GLYATL2: variants seen among roughly 807,000 people sequenced by gnomAD.
GLYATL2 encodes the protein glycine N-acyltransferase-like protein 2.
GLYATL2 carries 25 observed loss-of-function variants against 21.4 expected under a neutral mutation model. That is an observed-to-expected ratio of 1.17 (90% CI 0.85 to 1.63). The LOEUF (loss-of-function observed/expected upper bound fraction) is 1.63. Ranked by LOEUF, GLYATL2 falls within the 40% of genes most tolerant of loss-of-function variation. The probability of loss-of-function intolerance (pLI) is 0.00; values close to 1 mark genes in which losing one functional copy is unlikely to be tolerated. For synonymous variants in GLYATL2, 114 were observed against 118.2 expected (o/e 0.96, Z 0.23); for missense variants, 361 against 343.3 (o/e 1.05, Z -0.41).
chr11:58,848,673 A>C (rs1853686121), upstream of GLYATL2, among the ~76,000 whole-genome samples: 1 of 152,188 alleles, frequency 6.6e-6, no homozygotes, highest in African/African-American at 2.4e-5. Flanking sequence ...AAAATAAAAA[A>C]ATTAAAAAAC....
chr11:58,856,000 G>C (rs1419332652), intron 1 of GLYATL2, among the ~76,000 whole-genome samples: 1 of 152,038 alleles, frequency 6.6e-6, no homozygotes, highest in African/African-American at 2.4e-5. Flanking sequence ...GTGTGTTAGT[G>C]GGTGCCTATA....
intron 1 of GLYATL2, among the ~76,000 whole-genome samples, chr11:58,841,442 C>A (rs1382626056): frequency 6.6e-6 from 1 of 152,114 alleles, no homozygotes; most frequent in African/African-American, 2.4e-5. Flanking sequence ...ATGAGGATTT[C>A]ATTGCCAGAA....
chr11:58,893,117 G>T, intron 1 of GLYATL2: 1 of 403,926 alleles, frequency 2.5e-6, no homozygotes, highest in Non-Finnish European at 4.7e-6. Context: ...TGGAGGCGAG[G>T]GAAGAATGAG....
At chr11:58,854,371 G>T (rs973345292) in intron 1 of GLYATL2, among the ~76,000 whole-genome samples, 1 of 152,182 alleles carries the variant, frequency 6.6e-6, no homozygotes, top group African/African-American at 2.4e-5. Context: ...CAAGTCACAC[G>T]AAGTTTATGG....
At chr11:58,894,476 C>CCAAAAA (rs5792135) in intron 1 of GLYATL2, among the ~76,000 whole-genome samples, 5,464 of 115,318 alleles carry the variant, frequency 0.047, 983 homozygotes, top group East Asian at 0.089. Context: ...GCAGCTATAG[C>CCAAAAA]AAAAAAAAAA....
chr11:58,849,485 G>A (rs148762028), upstream of GLYATL2, among the ~76,000 whole-genome samples: 12 of 152,156 alleles, frequency 7.9e-5, no homozygotes, highest in Admixed American at 2.6e-4. Context: ...GATCCACCAA[G>A]ATTGAACGAG....
intron 1 of GLYATL2, 30 bp from the exon 2 acceptor site, chr11:58,839,682 C>G (rs1185749455): frequency 1.8e-6 from 2 of 1,094,876 alleles, no homozygotes; most frequent in East Asian, 2.4e-5. Flanking sequence ...AACAAAAATA[C>G]CTAGAGAGAT....
intron 1 of GLYATL2, among the ~76,000 whole-genome samples, chr11:58,852,417 C>T (rs558760641): frequency 1.7e-4 from 26 of 152,314 alleles, no homozygotes; most frequent in Non-Finnish European, 3.1e-4. Context: ...CCTGACTATA[C>T]GTTTTGAATA....
chr11:58,858,008 A>G (rs1419665223), intron 1 of GLYATL2, among the ~76,000 whole-genome samples: 2 of 152,170 alleles, frequency 1.3e-5, no homozygotes, highest in Non-Finnish European at 2.9e-5. Context: ...AAAACATACA[A>G]GGAAAGAAAA....
chr11:58,904,966 AGTAAGAC>A (rs1313961115), upstream of GLYATL2, among the ~76,000 whole-genome samples: 1 of 152,230 alleles, frequency 6.6e-6, no homozygotes, highest in African/African-American at 2.4e-5. Flanking sequence ...GTTCTTAGAC[AGTAAGAC>A]GTTCTGTTCT....
upstream of GLYATL2, among the ~76,000 whole-genome samples, chr11:58,845,193 T>C (rs897410288): frequency 2.6e-5 from 4 of 152,308 alleles, no homozygotes; most frequent in South Asian, 2.1e-4. Flanking sequence ...ATCAGGTAAA[T>C]CAGAGGCTCC....
intron 1 of GLYATL2, among the ~76,000 whole-genome samples, chr11:58,887,383 G>T (rs58233629): frequency 6.6e-6 from 1 of 151,820 alleles, no homozygotes; most frequent in Non-Finnish European, 1.5e-5. Flanking sequence ...TTTCAGGGTG[G>T]GATGCAGGAG....
chr11:58,904,860 T>C (rs1854823444), upstream of GLYATL2, among the ~76,000 whole-genome samples: 1 of 152,192 alleles, frequency 6.6e-6, no homozygotes, highest in African/African-American at 2.4e-5. Flanking sequence ...TACAAAATAA[T>C]TTTCACCATC....
chr11:58,896,323 G>C (rs1854634664), intron 1 of GLYATL2, among the ~76,000 whole-genome samples: 1 of 152,116 alleles, frequency 6.6e-6, no homozygotes, highest in African/African-American at 2.4e-5. Context: ...ATCAGACACT[G>C]CCTCCTCAAG....
rs1383387325 is a variant in GLYATL2, at chr11:58,844,477, T to C, written c.-84A>G. 6.6e-6 allele frequency: 1 copy of C among 152,198 alleles called. No homozygotes were observed. The highest frequency in any genetic ancestry group is 1.9e-4 in the East Asian group (1 of 5,202). 9.4% of individuals were successfully genotyped at this position (152,198 alleles called of 1,614,324 possible). A position where few individuals can be genotyped will look rare whatever the true frequency, so the allele number is the denominator to read the frequency against. On this transcript the variant is annotated 5_prime_UTR_variant, in exon 1 of 6. Transcript: ENST00000287275. ...CCTGTAGGCACACTGCCTGCTGCAG[T>C]TTCTCAGTATGGCAATGGAAAGGTT...
chr11:58,883,978 C>T (rs749742440), intron 1 of GLYATL2, among the ~76,000 whole-genome samples: 14 of 152,204 alleles, frequency 9.2e-5, no homozygotes, highest in Non-Finnish European at 1.8e-4. Flanking sequence ...ACATGATTTT[C>T]TCAACAGATG....
At chr11:58,875,809 T>A (rs1213877328) in intron 1 of GLYATL2, among the ~76,000 whole-genome samples, 1 of 152,222 alleles carries the variant, frequency 6.6e-6, no homozygotes, top group Admixed American at 6.5e-5. Context: ...TGGCATTCTC[T>A]GTATTTCCTG....
intron 1 of GLYATL2, among the ~76,000 whole-genome samples, chr11:58,841,113 A>T (rs2134575594): frequency 6.6e-6 from 1 of 152,252 alleles, no homozygotes; most frequent in African/African-American, 2.4e-5. Context: ...CATATTTTCC[A>T]AGAACCAACA....
chr11:58,900,569 T>C (rs1428029926), intron 1 of GLYATL2, among the ~76,000 whole-genome samples: 1 of 152,128 alleles, frequency 6.6e-6, no homozygotes, highest in African/African-American at 2.4e-5. Flanking sequence ...CGTGACGCTT[T>C]TAAAAACTCT....
Sources: gnomAD v4.1 joint callset for allele counts (sites outside exome capture counted in the v4.1 genomes callset) on GRCh38, gnomAD v4.1.1 for gene constraint, MANE v1.5 for transcripts, NCBI Gene and HGNC (gene_info 2026-07-23, HGNC 2026-07-21) for gene names.